Variants in NOS2 observed in about 807,000 individuals in gnomAD.
NOS2 encodes the protein nitric oxide synthase 2, also known as nitric oxide synthase, inducible.
In NOS2, 96 loss-of-function variants were observed where a neutral mutation model predicts 136.0. The observed-to-expected ratio is 0.71, with a 90% CI of 0.60 to 0.84. The LOEUF (loss-of-function observed/expected upper bound fraction) is 0.84. NOS2 is among the 40% of genes least tolerant of loss of function. The pLI is 0.00. For missense variants in NOS2, 1,237 were observed against 1,496.9 expected, an observed-to-expected ratio of 0.83 and a Z score of 2.87; for synonymous variants, 539 against 587.5, an observed-to-expected ratio of 0.92 and a Z score of 1.20.
chr17:27,798,402 C>G (rs952587080), intron 2 of NOS2, among the ~76,000 whole-genome samples: 1 of 149,896 alleles, frequency 6.7e-6, no homozygotes, highest in African/African-American at 2.5e-5. Flanking sequence ...CACCACGAGG[C>G]TCTACTGCCT....
intron 16 of NOS2, 62 bp downstream of exon 16, chr17:27,769,473 C>T (rs1908418726): frequency 6.9e-7 from 1 of 1,448,192 alleles, no homozygotes; most frequent in African/African-American, 1.4e-5. Context: ...GTTCCATCCC[C>T]TGAACCCAGA....
chr17:27,783,113 G>T lies in NOS2; in HGVS notation c.468-7C>A. The T allele has an allele frequency of 1.2e-6, 2 of 1,613,968 alleles. No homozygotes were observed. Among genetic ancestry groups the T allele is most frequent in the Non-Finnish European group, 8.5e-7 (1 of 1,179,874 alleles). On this transcript the variant is annotated splice_region_variant and splice_polypyrimidine_tract_variant and intron_variant, in intron 5 of 26. Coordinates refer to ENST00000313735, the MANE Select transcript of NOS2 (RefSeq NM_000625.4). ...ATGTTCCTCTATTTTTGCCCTGGGG[G>T]ACAGGAAGACAGCAGGAAGATCAAC... is the stretch of plus-strand genomic sequence containing the variant.
chr17:27,784,925 T>C (rs574672183), intron 5 of NOS2, among the ~76,000 whole-genome samples: 1 of 152,266 alleles, frequency 6.6e-6, no homozygotes, highest in South Asian at 2.1e-4. Flanking sequence ...ACAATTTTCC[T>C]CTGGGAGAAG....
chr17:27,762,205 C>T (rs28944195), intron 22 of NOS2, among the ~76,000 whole-genome samples: 2 of 151,916 alleles, frequency 1.3e-5, no homozygotes. Context: ...CAATGAAAAT[C>T]ATCTAATTAT....
Position 27,794,714 on chromosome 17 carries a change from GCACACACACA to G in NOS2, c.110+3976_110+3985del, listed in dbSNP as rs56767383. On this transcript the variant is annotated intron_variant, in intron 2 of 26. Transcript: ENST00000313735. ...TACACACATGCGTACACACACACGC[GCACACACACA>G]CACACACACACACACACACACACCA... Among the ~76,000 whole-genome samples the G allele has an allele frequency of 6.2e-5, 9 of 145,612 alleles. No homozygotes were observed. In the South Asian group the frequency reaches 6.6e-4, roughly 11 times the overall value.
intron 15 of NOS2, 83 bp from the exon 16 acceptor site, chr17:27,769,667 C>T (rs892343532): frequency 8.9e-6 from 11 of 1,233,454 alleles, no homozygotes; most frequent in African/African-American, 5.9e-5. Context: ...AACCTGGCCA[C>T]AGCTTGCAGG....
intron 2 of NOS2, among the ~76,000 whole-genome samples, chr17:27,791,715 T>C (rs944142714): frequency 6.6e-6 from 1 of 151,470 alleles, no homozygotes; most frequent in East Asian, 1.9e-4. Context: ...TTAACAAGTA[T>C]CATTGAATAC....
chr17:27,759,368 A>G (rs536588549), intron 25 of NOS2, among the ~76,000 whole-genome samples: 41 of 152,328 alleles, frequency 2.7e-4, no homozygotes, highest in Non-Finnish European at 5.0e-4. Context: ...AAAGGCATCA[A>G]TGAAGGCAGT....
chr17:27,770,061 T>TC (rs1908441800), intron 15 of NOS2, among the ~76,000 whole-genome samples: 1 of 152,230 alleles, frequency 6.6e-6, no homozygotes, highest in African/African-American at 2.4e-5. Context: ...TACTCCCTTT[T>TC]CATAATTTAT....
At chr17:27,758,206 G>A (rs932334643) in intron 26 of NOS2, among the ~76,000 whole-genome samples, 1 of 152,186 alleles carries the variant, frequency 6.6e-6, no homozygotes, top group African/African-American at 2.4e-5. Flanking sequence ...GTATGAATGT[G>A]TCTTAGGGAG....
chr17:27,758,867 A>T lies in NOS2; in HGVS notation c.3354+14T>A, dbSNP rs183342491. On this transcript the variant is annotated intron_variant, in intron 26 of 26. Coordinates refer to ENST00000313735, the MANE Select transcript of NOS2 (RefSeq NM_000625.4). ...CTTGGCCGGCACCTTCAGCCCACAC[A>T]CCCACTACTATACCTTGAGCTGAAA... is the stretch of plus-strand genomic sequence containing the variant. The T allele has an allele frequency of 6.4e-4, 955 of 1,483,720 alleles. 8 individuals carry two copies. The African/African-American group carries it at 0.012, about 19-fold the overall frequency. The allele number at this position is 1,483,720 out of a possible 1,614,324, so 91.9% of individuals were successfully genotyped here. A position where few individuals can be genotyped will look rare whatever the true frequency, so the allele number is the denominator to read the frequency against.
chr17:27,798,803 A>G lies in NOS2; in HGVS notation c.7T>C (p.Cys3Arg). 1 of 1,605,256 alleles carries G rather than the reference A, an allele frequency of 6.2e-7. No homozygotes were observed. Among genetic ancestry groups the G allele is most frequent in the South Asian group, 1.1e-5 (1 of 90,922 alleles). The stretch of plus-strand genomic sequence containing the variant: ...GTCTTGAACAGAAATTTCCAAGGAC[A>G]GGCCATCTCTATGGCTTTACAAAGC... MA[C>R]PWKFLFKTKF... Residue 3 changes from cysteine (C) to arginine (R), a missense_variant, in exon 2 of 27, where the codon TGT becomes CGT. Coordinates refer to ENST00000313735, the MANE Select transcript of NOS2 (RefSeq NM_000625.4).
chr17:27,788,498 A>G (rs972419714), intron 4 of NOS2, among the ~76,000 whole-genome samples: 4 of 152,238 alleles, frequency 2.6e-5, no homozygotes, highest in African/African-American at 9.6e-5. Flanking sequence ...AATACAGTCC[A>G]GCTCTGAGCA....
intron 23 of NOS2, 87 bp from the exon 24 acceptor site, chr17:27,760,831 G>A: frequency 2.0e-6 from 3 of 1,472,480 alleles, no homozygotes; most frequent in East Asian, 2.5e-5. Context: ...GGGCCTGTGG[G>A]AGGCGGTCGT....
At chr17:27,774,525 C>G in intron 11 of NOS2, 74 bp from the exon 12 acceptor site, 1 of 1,216,918 alleles carries the variant, frequency 8.2e-7, no homozygotes, top group Non-Finnish European at 1.1e-6. Flanking sequence ...GGCCGCAGGG[C>G]TCCCAGAGAG....
At chr17:27,783,128 G>C (rs199501802) in intron 5 of NOS2, 22 bp from the exon 6 acceptor site, 1 of 1,613,220 alleles carries the variant, frequency 6.2e-7, no homozygotes, top group Non-Finnish European at 8.5e-7. Context: ...GAAGACAGCA[G>C]GAAGATCAAC....
Position 27,766,574 on chromosome 17 carries a change from G to A in NOS2, c.2182C>T (p.His728Tyr), listed in dbSNP as rs1277016205. ...LDLSKALSSM[H>Y]AKNVFTMRLK... Reference sequence around the variant, plus strand: ...CTCATGGTGAACACGTTCTTGGCATGCATGCTGCTGAGGGCTGTGGAGGAC... The same window carrying A: ...CTCATGGTGAACACGTTCTTGGCATACATGCTGCTGAGGGCTGTGGAGGAC... Residue 728 changes from histidine to tyrosine, a missense_variant, in exon 19 of 27, where the codon CAT becomes TAT. His to Tyr is a moderately conservative substitution (Grantham distance 83). Around this residue, in one of 3 missense-constraint regions of NOS2, gnomAD observed 782 missense variants for 909.9 expected, o/e 0.86. Transcript: ENST00000313735. 1 of 1,614,044 alleles carries A rather than the reference G, an allele frequency of 6.2e-7. No individual in the cohort carries two copies. The highest frequency in any genetic ancestry group is 8.5e-7 in the Non-Finnish European group (1 of 1,179,924).
At chr17:27,798,257 G>T (rs562237365) in intron 2 of NOS2, among the ~76,000 whole-genome samples, 1 of 152,342 alleles carries the variant, frequency 6.6e-6, no homozygotes, top group Non-Finnish European at 1.5e-5. Flanking sequence ...GGCCAGCACA[G>T]GGCTTGGAAC....
Position 27,773,188 on chromosome 17 carries a change from CTT to C in NOS2, c.1530_1531del (p.Glu512AspfsTer62). 6.2e-7 allele frequency: 1 copy of C among 1,614,162 alleles called. No individual in the cohort carries two copies. Among genetic ancestry groups the C allele is most frequent in the Non-Finnish European group, 8.5e-7 (1 of 1,179,972 alleles). ...GACCAAGACTTTCAATGGAATCTCTCTTCTCTTGGGTCTCCGCTTCTCGTCCT... is the reference window on the plus strand; with the variant it reads ...GACCAAGACTTTCAATGGAATCTCTCCTCTTGGGTCTCCGCTTCTCGTCCT... On this transcript the variant is annotated frameshift_variant, in exon 13 of 27. Transcript: ENST00000313735. LOFTEE classifies it high-confidence loss of function.
Sources: gnomAD v4.1 joint callset for allele counts (sites outside exome capture counted in the v4.1 genomes callset) on GRCh38, gnomAD v4.1.1 for gene constraint, gnomAD v4.1.1 regional missense constraint, MANE v1.5 for transcripts, NCBI Gene and HGNC (gene_info 2026-07-23, HGNC 2026-07-21) for gene names.